PKDCC: variants seen among roughly 807,000 people sequenced by gnomAD.
PKDCC encodes extracellular tyrosine-protein kinase PKDCC.
A neutral mutation model predicts 44.7 loss-of-function variants in PKDCC; 35 were observed. That is an observed-to-expected ratio of 0.78 (90% CI 0.60 to 1.04). The LOEUF is 1.04. PKDCC is among the 50% of genes least tolerant of loss of function. The pLI, the probability that PKDCC is intolerant of heterozygous loss-of-function variation, is 0.00. For synonymous variants in PKDCC, 353 were observed against 303.3 expected (o/e 1.16, Z -1.70); for missense variants, 738 against 672.7 (o/e 1.10, Z -1.07).
At chr2:42,049,816 C>G (rs1481118777) in intron 1 of PKDCC, among the ~76,000 whole-genome samples, 2 of 152,192 alleles carry the variant, frequency 1.3e-5, no homozygotes, top group Non-Finnish European at 2.9e-5. Flanking sequence ...TCCCTTTGCA[C>G]ATGTCTGAGC....
intron 1 of PKDCC, among the ~76,000 whole-genome samples, chr2:42,049,208 CACTTGAG>C (rs1244278054): frequency 6.6e-6 from 1 of 152,226 alleles, no homozygotes; most frequent in Non-Finnish European, 1.5e-5. Flanking sequence ...TAAGCCAAGA[CACTTGAG>C]TCAGAATTCC....
chr2:42,053,769 G>C (rs1668007546), intron 2 of PKDCC, among the ~76,000 whole-genome samples: 1 of 152,152 alleles, frequency 6.6e-6, no homozygotes, highest in African/African-American at 2.4e-5. Flanking sequence ...TCAGGGAAGA[G>C]ATGCATTATC....
intron 2 of PKDCC, 62 bp from the exon 3 acceptor site, chr2:42,053,974 G>A (rs1386169585): frequency 7.1e-6 from 11 of 1,559,178 alleles, no homozygotes; most frequent in South Asian, 3.6e-5. Context: ...GGGTGCCCTC[G>A]AGTCCCACAG....
intron 1 of PKDCC, among the ~76,000 whole-genome samples, chr2:42,050,117 C>A (rs1412851794): frequency 6.6e-6 from 1 of 152,184 alleles, no homozygotes; most frequent in Non-Finnish European, 1.5e-5. Flanking sequence ...CCATCGTATT[C>A]CCCAACCCTG....
At position 42,055,248 on chromosome 2, in the gene PKDCC, C is replaced by T; in HGVS notation, c.1115-38C>T. The T allele has an allele frequency of 1.3e-6, 2 of 1,567,482 alleles. No homozygotes were observed. The highest frequency in any genetic ancestry group is 8.7e-7 in the Non-Finnish European group (1 of 1,148,650). ...TGCTGACTTCAGGGAGGAGTGGGAGCCCCAGGCATCCTGTCTTAGCCACAC... is the reference window on the plus strand; with the variant it reads ...TGCTGACTTCAGGGAGGAGTGGGAGTCCCAGGCATCCTGTCTTAGCCACAC... On this transcript the variant is annotated intron_variant, in intron 4 of 6. Transcript: ENST00000294964. The surrounding 1 kb of genome is among the most constrained non-coding windows in gnomAD (Gnocchi z 4.5).
chr2:42,048,174 G>A lies in PKDCC; in HGVS notation c.-26G>A. On this transcript the variant is annotated 5_prime_UTR_variant, in exon 1 of 7. Coordinates refer to ENST00000294964, the MANE Select transcript of PKDCC (RefSeq NM_138370.3). The surrounding 1 kb of genome is among the most constrained non-coding windows in gnomAD (Gnocchi z 6.2). ...GGCCGGGGCCGGGGAGCCGCGCGGG[G>A]CCGGCCGGCCGGGGGGAGGGGAGCG... 1 of 1,064,402 alleles carries A rather than the reference G, an allele frequency of 9.4e-7. No homozygotes were observed. The highest frequency in any genetic ancestry group is 1.1e-6 in the Non-Finnish European group (1 of 886,010). The allele number at this position is 1,064,402 out of a possible 1,614,324, so 65.9% of individuals were successfully genotyped here. A position where few individuals can be genotyped will look rare whatever the true frequency, so the allele number is the denominator to read the frequency against.
rs937072379 is a variant in PKDCC at position 42,055,014 on chromosome 2, G to A, written c.1108G>A (p.Ala370Thr). Residue 370 changes from alanine to threonine, a missense_variant, in exon 4 of 7, where the codon GCC becomes ACC. Ala to Thr is a moderately conservative substitution (Grantham distance 58). Coordinates refer to ENST00000294964, the MANE Select transcript of PKDCC (RefSeq NM_138370.3). The surrounding 1 kb of genome is among the most constrained non-coding windows in gnomAD (Gnocchi z 4.5). Reference sequence around the variant, plus strand: ...TCCTCTGCTGGACAGCATCGTCAACGCCACAGGTGAGCTCTCCAGGGCCCA... The same window carrying A: ...TCCTCTGCTGGACAGCATCGTCAACACCACAGGTGAGCTCTCCAGGGCCCA... ...LRPLLDSIVN[A>T]TGELAWGVDE... 26 of 1,613,532 alleles carry A rather than the reference G, an allele frequency of 1.6e-5. No individual in the cohort carries two copies. Among genetic ancestry groups the A allele is most frequent in the South Asian group, 3.3e-5 (3 of 91,074 alleles).
rs1375444663 is a variant in PKDCC, at chr2:42,048,415, CG to C, written c.221del (p.Gly74AlafsTer14). 3.6e-6 allele frequency: 4 copies of C among 1,122,554 alleles called. No individual in the cohort carries two copies. The highest frequency in any genetic ancestry group is 4.9e-5 in the East Asian group (1 of 20,542). 69.5% of individuals were successfully genotyped at this position (1,122,554 alleles called of 1,614,324 possible). A position where few individuals can be genotyped will look rare whatever the true frequency, so the allele number is the denominator to read the frequency against. On this transcript the variant is annotated frameshift_variant, in exon 1 of 7. Transcript: ENST00000294964. LOFTEE classifies it high-confidence loss of function. The surrounding 1 kb of genome is among the most constrained non-coding windows in gnomAD (Gnocchi z 6.2). ...ACGAGGAGGTGCAGCGCTATTCCCGCGGGGGCCCCGGGCCCGGGGCGGGCCG... is the reference window on the plus strand; with the variant it reads ...ACGAGGAGGTGCAGCGCTATTCCCGCGGGGCCCCGGGCCCGGGGCGGGCCG... ...RYEEVQRYSR[G>X]GPGPGAGRPE... is the part of the protein sequence containing the mutation.
rs34372645 is a variant in PKDCC at position 42,054,172 on chromosome 2, G to A, written c.899G>A (p.Arg300His). The change falls in exon 3 of 7, where the codon CGT (arginine) becomes CAT (histidine). Residue 300 changes from arginine (R) to histidine (H), a missense_variant. Arg to His is a conservative substitution (Grantham distance 29). Transcript: ENST00000294964. The surrounding 1 kb of genome is among the most constrained non-coding windows in gnomAD (Gnocchi z 6.1). ...AAAGTGACGGACCTGGATGACGCACGTGTGGAGGAGACGCCGTGTGCAGGC... is the reference window on the plus strand; with the variant it reads ...AAAGTGACGGACCTGGATGACGCACATGTGGAGGAGACGCCGTGTGCAGGC... ...ELKVTDLDDA[R>H]VEETPCAGST... is the part of the protein sequence containing the mutation. The A allele has an allele frequency of 0.012, 19,169 of 1,611,940 alleles. 158 individuals are homozygous for A. Among genetic ancestry groups the A allele is most frequent in the Non-Finnish European group, 0.014 (16,890 of 1,179,048 alleles).
Position 42,048,666 on chromosome 2 carries a change from G to T in PKDCC, c.467G>T (p.Arg156Leu), listed in dbSNP as rs754048219. 1.7e-4 allele frequency: 256 copies of T among 1,546,098 alleles called. No homozygotes were observed. Among genetic ancestry groups the T allele is most frequent in the Non-Finnish European group, 3.4e-5 (39 of 1,146,268 alleles). ...SGYTKAVYRV[R>L]LPGGAAVALK... ...TACACCAAGGCCGTGTACCGGGTCC[G>T]CCTGCCCGGCGGTGCCGCGGTGGCG... Residue 156 changes from arginine to leucine, a missense_variant, in exon 1 of 7, where the codon CGC becomes CTC. Arg to Leu is a moderately radical substitution (Grantham distance 102). Transcript: ENST00000294964. The surrounding 1 kb of genome is among the most constrained non-coding windows in gnomAD (Gnocchi z 6.2).
intron 1 of PKDCC, among the ~76,000 whole-genome samples, chr2:42,049,666 A>C (rs1180100861): frequency 1.3e-5 from 2 of 152,076 alleles, no homozygotes; most frequent in East Asian, 3.9e-4. Context: ...TGTTCACTGG[A>C]GACACAGGCG....
chr2:42,050,987 G>GT (rs1162935410), intron 1 of PKDCC, among the ~76,000 whole-genome samples: 1 of 152,126 alleles, frequency 6.6e-6, no homozygotes, highest in African/African-American at 2.4e-5. Context: ...ATACCTCTGA[G>GT]TTATTTAAAA....
intron 2 of PKDCC, 122 bp from the exon 3 acceptor site, chr2:42,053,914 A>G (rs976624902): frequency 2.4e-6 from 3 of 1,256,866 alleles, no homozygotes; most frequent in Middle Eastern, 2.8e-4. Flanking sequence ...CCTGGGGCCT[A>G]TAGAAGAGAA....
Position 42,055,468 on chromosome 2 carries a change from A to T in PKDCC, c.1222+75A>T. The T allele has an allele frequency of 7.4e-7, 1 of 1,345,458 alleles. No individual in the cohort carries two copies. Among genetic ancestry groups the T allele is most frequent in the Non-Finnish European group, 1.0e-6 (1 of 961,770 alleles). The allele number at this position is 1,345,458 out of a possible 1,614,324, so 83.3% of individuals were successfully genotyped here. A position where few individuals can be genotyped will look rare whatever the true frequency, so the allele number is the denominator to read the frequency against. ...GTGAATGACCCCGCCCAATTAGGCTAAGTGGCTCACCCTTTCTCTGGGGAC... is the reference window on the plus strand; with the variant it reads ...GTGAATGACCCCGCCCAATTAGGCTTAGTGGCTCACCCTTTCTCTGGGGAC... On this transcript the variant is annotated intron_variant, in intron 5 of 6. Transcript: ENST00000294964. This position sits in a 1 kb window ranked among gnomAD's most constrained non-coding sequence, Gnocchi z 4.5.
rs1382201366 is a variant in PKDCC at position 42,057,702 on chromosome 2, T to A, written c.*14T>A. 1.9e-6 allele frequency: 3 copies of A among 1,611,256 alleles called. No individual in the cohort carries two copies. The Admixed American group carries it at 5.0e-5, about 27-fold the overall frequency. On this transcript the variant is annotated 3_prime_UTR_variant, in exon 7 of 7. Transcript: ENST00000294964. Reference sequence around the variant, plus strand: ...GCCTCTGGCTGACCTATCTGAGGGCTCGGCTGACCAGCTGACTATCCTCAG... The same window carrying A: ...GCCTCTGGCTGACCTATCTGAGGGCACGGCTGACCAGCTGACTATCCTCAG...
chr2:42,051,431 C>T lies in PKDCC; in HGVS notation c.640-1808C>T, dbSNP rs935958203. Among the ~76,000 whole-genome samples the T allele has an allele frequency of 1.3e-5, 2 of 151,966 alleles. No individual in the cohort carries two copies. Among genetic ancestry groups the T allele is most frequent in the African/African-American group, 4.8e-5 (2 of 41,366 alleles). The stretch of plus-strand genomic sequence containing the variant: ...ATTCTGGCCCTGCTAGAGTATATTT[C>T]TTCTCCCAACCAAACAAAAGATGTG... On this transcript the variant is annotated intron_variant, in intron 1 of 6. Coordinates refer to ENST00000294964, the MANE Select transcript of PKDCC (RefSeq NM_138370.3). The surrounding 1 kb of genome is among the most constrained non-coding windows in gnomAD (Gnocchi z 4.2).
chr2:42,053,846 G>A (rs2103928703), intron 2 of PKDCC, among the ~76,000 whole-genome samples, 190 bp from the exon 3 acceptor site: 2 of 152,290 alleles, frequency 1.3e-5, no homozygotes, highest in Admixed American at 1.3e-4. Flanking sequence ...CCAGCCGAGA[G>A]TTAATAGAAA....
rs1193132605 is a variant in PKDCC at position 42,048,520 on chromosome 2, C to G, written c.321C>G (p.Pro107=). 3.4e-6 allele frequency: 4 copies of G among 1,191,644 alleles called. No individual in the cohort carries two copies. The highest frequency in any genetic ancestry group is 4.8e-5 in the Admixed American group (1 of 20,936). 73.8% of individuals were successfully genotyped at this position (1,191,644 alleles called of 1,614,324 possible). A position where few individuals can be genotyped will look rare whatever the true frequency, so the allele number is the denominator to read the frequency against. The change falls in exon 1 of 7, where the codon CCC becomes CCG. Residue 107 remains proline, a synonymous_variant. Transcript: ENST00000294964. This position sits in a 1 kb window ranked among gnomAD's most constrained non-coding sequence, Gnocchi z 6.2. The stretch of plus-strand genomic sequence containing the variant: ...GCCCCCGGCCCCCTTGGGCCCGGCC[C>G]CTGTCCGACGGCGCCCCAGGCTGGC... The part of the protein sequence containing the change: ...LPRPRPPWAR[P]LSDGAPGWPP...
Position 42,051,487 on chromosome 2 carries a change from G to A in PKDCC, c.640-1752G>A, listed in dbSNP as rs1033881755. Among the ~76,000 whole-genome samples the A allele has an allele frequency of 6.6e-6, 1 of 152,148 alleles. No individual in the cohort carries two copies. On this transcript the variant is annotated intron_variant, in intron 1 of 6. Coordinates refer to ENST00000294964, the MANE Select transcript of PKDCC (RefSeq NM_138370.3). This position sits in a 1 kb window ranked among gnomAD's most constrained non-coding sequence, Gnocchi z 4.2. ...AATGCTCAGCCTCACGCTTCCTGGG[G>A]GGGGTTAATGGTGTCTTTTTATTTT...
Sources: allele counts gnomAD v4.1 joint callset (sites outside exome capture counted in the v4.1 genomes callset), GRCh38; gene constraint gnomAD v4.1.1; non-coding constraint Gnocchi (gnomAD v3.1); transcripts MANE v1.5; gene names NCBI Gene and HGNC (gene_info 2026-07-23, HGNC 2026-07-21).